RAB15: variants seen among roughly 807,000 people sequenced by gnomAD.
The protein encoded by RAB15 is RAB15, member RAS oncogene family.
RAB15 carries 13 observed loss-of-function variants against 31.8 expected under a neutral mutation model. The observed-to-expected ratio is 0.41, with a 90% CI of 0.27 to 0.65. The LOEUF (loss-of-function observed/expected upper bound fraction) is 0.65, where lower values mean the gene tolerates loss of function less well. Ranked by LOEUF, RAB15 falls within the 30% of genes least tolerant of loss-of-function variation. The pLI, the probability that RAB15 is intolerant of heterozygous loss-of-function variation, is 0.32. For synonymous variants in RAB15, 100 were observed against 105.6 expected, an observed-to-expected ratio of 0.95 and a Z score of 0.33; for missense variants, 220 against 277.3, an observed-to-expected ratio of 0.79 and a Z score of 1.47.
chr14:64,972,113 A>C lies in RAB15; in HGVS notation c.-37T>G. 1 of 1,547,100 alleles carries C rather than the reference A, an allele frequency of 6.5e-7. No homozygotes were observed. Among genetic ancestry groups the C allele is most frequent in the Non-Finnish European group, 8.7e-7 (1 of 1,150,830 alleles). ...GCGGGGCCGGGAACTGCGGGCGGGC[A>C]GCGGGCTCAGCCCTGCTCCGCCGCT... On this transcript the variant is annotated 5_prime_UTR_variant, in exon 1 of 7. Transcript: ENST00000533601. This position sits in a 1 kb window ranked among gnomAD's most constrained non-coding sequence, Gnocchi z 6.3.
At chr14:64,956,899 G>A (rs1162892557) in intron 1 of RAB15, among the ~76,000 whole-genome samples, 1 of 151,578 alleles carries the variant, frequency 6.6e-6, no homozygotes, top group African/African-American at 2.4e-5. Flanking sequence ...CACTTACTGT[G>A]TAACTTCAGG....
chr14:64,961,562 A>C (rs1886859461), intron 1 of RAB15, among the ~76,000 whole-genome samples: 2 of 152,030 alleles, frequency 1.3e-5, no homozygotes, highest in African/African-American at 4.8e-5. Context: ...GGAGTAAGGA[A>C]TCTCTAGGGC....
Position 64,951,526 on chromosome 14 carries a change from A to G in RAB15, c.246+77T>C, listed in dbSNP as rs190399527. ...GAACTGTATTTAGGGGATCCGTGGCACAGACATCTCAAATACCCAGAGCTG... is the reference window on the plus strand; with the variant it reads ...GAACTGTATTTAGGGGATCCGTGGCGCAGACATCTCAAATACCCAGAGCTG... On this transcript the variant is annotated intron_variant, in intron 3 of 6. Transcript: ENST00000533601. The surrounding 1 kb of genome is among the most constrained non-coding windows in gnomAD (Gnocchi z 7.2). The G allele has an allele frequency of 1.5e-5, 20 of 1,325,680 alleles. No individual in the cohort carries two copies. In the African/African-American group the frequency reaches 2.4e-4, roughly 16 times the overall value. 82.1% of individuals were successfully genotyped at this position (1,325,680 alleles called of 1,614,324 possible). A position where few individuals can be genotyped will look rare whatever the true frequency, so the allele number is the denominator to read the frequency against.
At position 64,953,591 on chromosome 14, in the gene RAB15, G is replaced by A. The variant is rs896086990; in HGVS notation, c.125-1020C>T. ...GAAACCGAAGGGATTTGGCAAATGC[G>A]TGCAGGGCAGAAACATATTGGAGAA... On this transcript the variant is annotated intron_variant, in intron 1 of 6. Coordinates refer to ENST00000533601, the MANE Select transcript of RAB15 (RefSeq NM_001308154.2). This position sits in a 1 kb window ranked among gnomAD's most constrained non-coding sequence, Gnocchi z 4.6. 2.6e-5 allele frequency among the ~76,000 whole-genome samples: 4 copies of A among 152,186 alleles called. No individual in the cohort carries two copies. Among genetic ancestry groups the A allele is most frequent in the African/African-American group, 7.2e-5 (3 of 41,446 alleles).
Position 64,955,092 on chromosome 14 carries a change from A to T in RAB15, c.125-2521T>A, listed in dbSNP as rs55899531. Among the ~76,000 whole-genome samples, 4,097 of 152,132 alleles carry T rather than the reference A, an allele frequency of 0.027. 67 individuals are homozygous for T. The highest frequency in any genetic ancestry group is 0.061 in the Middle Eastern group (18 of 294). ...GGGGCTCGCAGCACTCCCCGGCCTC[A>T]CACACACCCCACCATCTTGCAACCT... On this transcript the variant is annotated intron_variant, in intron 1 of 6. Coordinates refer to ENST00000533601, the MANE Select transcript of RAB15 (RefSeq NM_001308154.2). This position sits in a 1 kb window ranked among gnomAD's most constrained non-coding sequence, Gnocchi z 4.4.
chr14:64,955,798 GTC>G lies in RAB15; in HGVS notation c.125-3229_125-3228del, dbSNP rs1886519998. Among the ~76,000 whole-genome samples the G allele has an allele frequency of 6.6e-6, 1 of 152,252 alleles. No individual in the cohort carries two copies. Among genetic ancestry groups the G allele is most frequent in the East Asian group, 1.9e-4 (1 of 5,202 alleles). On this transcript the variant is annotated intron_variant, in intron 1 of 6. Transcript: ENST00000533601. This position sits in a 1 kb window ranked among gnomAD's most constrained non-coding sequence, Gnocchi z 4.4. The stretch of plus-strand genomic sequence containing the variant: ...CCCCACCTGGGTGCACACCCAGAGA[GTC>G]AGCCCTTTTTGTTGCATCTTTAGTA...
At position 64,950,662 on chromosome 14, in the gene RAB15, G is replaced by T; in HGVS notation, c.325-248C>A. The T allele has an allele frequency of 5.0e-6, 3 of 599,036 alleles. No homozygotes were observed. The highest frequency in any genetic ancestry group is 5.9e-6 in the Non-Finnish European group (2 of 336,644). The allele number at this position is 599,036 out of a possible 1,614,324, so 37.1% of individuals were successfully genotyped here. A position where few individuals can be genotyped will look rare whatever the true frequency, so the allele number is the denominator to read the frequency against. On this transcript the variant is annotated intron_variant, in intron 4 of 6. Transcript: ENST00000533601. This position sits in a 1 kb window ranked among gnomAD's most constrained non-coding sequence, Gnocchi z 5.6. ...TCCTTGGGTTAGACCACTGGTATCA[G>T]AGCTGGAAAGGACATTGGATGTAAG...
At chr14:64,961,124 G>C (rs1886830579) in intron 1 of RAB15, among the ~76,000 whole-genome samples, 1 of 152,136 alleles carries the variant, frequency 6.6e-6, no homozygotes, top group African/African-American at 2.4e-5. Context: ...CCACAACGAG[G>C]AACAACCTAA....
rs567489026 is a variant in RAB15, at chr14:64,958,817, G to A, written c.125-6246C>T. The stretch of plus-strand genomic sequence containing the variant: ...TCTCCCAACCAGGTGCCCAAAGCAC[G>A]GAGAGCAGCTCATTGTTTTTCCCGG... On this transcript the variant is annotated intron_variant, in intron 1 of 6. Coordinates refer to ENST00000533601, the MANE Select transcript of RAB15 (RefSeq NM_001308154.2). The surrounding 1 kb of genome is among the most constrained non-coding windows in gnomAD (Gnocchi z 4.4). Among the ~76,000 whole-genome samples the A allele has an allele frequency of 3.9e-5, 6 of 152,308 alleles. No homozygotes were observed. Among genetic ancestry groups the A allele is most frequent in the African/African-American group, 1.2e-4 (5 of 41,572 alleles).
rs1886167140 is a variant in RAB15 at position 64,950,148 on chromosome 14, C to G, written c.414+177G>C. Among the ~76,000 whole-genome samples, 1 of 152,156 alleles carries G rather than the reference C, an allele frequency of 6.6e-6. No homozygotes were observed. Among genetic ancestry groups the G allele is most frequent in the African/African-American group, 2.4e-5 (1 of 41,438 alleles). On this transcript the variant is annotated intron_variant, in intron 5 of 6. Coordinates refer to ENST00000533601, the MANE Select transcript of RAB15 (RefSeq NM_001308154.2). The surrounding 1 kb of genome is among the most constrained non-coding windows in gnomAD (Gnocchi z 5.6). Reference sequence around the variant, plus strand: ...GGACCCCGAATCTCTGGGCTTCTGTCCTGAAACCCAGACAACAAGCCTTCC... The same window carrying G: ...GGACCCCGAATCTCTGGGCTTCTGTGCTGAAACCCAGACAACAAGCCTTCC...
Position 64,950,530 on chromosome 14 carries a change from T to G in RAB15, c.325-116A>C. 2.3e-6 allele frequency: 2 copies of G among 872,138 alleles called. No homozygotes were observed. Among genetic ancestry groups the G allele is most frequent in the East Asian group, 2.4e-5 (1 of 41,384 alleles). 54.0% of individuals were successfully genotyped at this position (872,138 alleles called of 1,614,324 possible). A position where few individuals can be genotyped will look rare whatever the true frequency, so the allele number is the denominator to read the frequency against. ...CAATTCCAGAGCCCTAGGGACAGGG[T>G]GGGCCGACTGGATGCAGGTGCCAGG... On this transcript the variant is annotated intron_variant, in intron 4 of 6. Transcript: ENST00000533601. This position sits in a 1 kb window ranked among gnomAD's most constrained non-coding sequence, Gnocchi z 5.6.
rs1887371059 is a variant in RAB15 at position 64,970,632 on chromosome 14, T to C, written c.124+1321A>G. ...CATTTATCGAGCTTCACCATGTGTCTGGCTGTGCTAAGCACTTAACAATCG... is the reference window on the plus strand; with the variant it reads ...CATTTATCGAGCTTCACCATGTGTCCGGCTGTGCTAAGCACTTAACAATCG... On this transcript the variant is annotated intron_variant, in intron 1 of 6. Transcript: ENST00000533601. This position sits in a 1 kb window ranked among gnomAD's most constrained non-coding sequence, Gnocchi z 4.1. Among the ~76,000 whole-genome samples the C allele has an allele frequency of 6.6e-6, 1 of 152,234 alleles. No individual in the cohort carries two copies.
At position 64,954,669 on chromosome 14, in the gene RAB15, T is replaced by C. The variant is rs1175376300; in HGVS notation, c.125-2098A>G. 3 of 320,968 alleles carry C rather than the reference T, an allele frequency of 9.3e-6. No homozygotes were observed. The highest frequency in any genetic ancestry group is 1.3e-5 in the Non-Finnish European group (3 of 222,462). 19.9% of individuals were successfully genotyped at this position (320,968 alleles called of 1,614,324 possible). A position where few individuals can be genotyped will look rare whatever the true frequency, so the allele number is the denominator to read the frequency against. Reference sequence around the variant, plus strand: ...GAAAGGAAACAAGGGCTCAGAGAGGTCAATGGCTAGCCAGGGTCAGCACAG... The same window carrying C: ...GAAAGGAAACAAGGGCTCAGAGAGGCCAATGGCTAGCCAGGGTCAGCACAG... On this transcript the variant is annotated intron_variant, in intron 1 of 6. Transcript: ENST00000533601. This position sits in a 1 kb window ranked among gnomAD's most constrained non-coding sequence, Gnocchi z 4.3.
Position 64,957,450 on chromosome 14 carries a change from C to T in RAB15, c.125-4879G>A, listed in dbSNP as rs560216481. On this transcript the variant is annotated intron_variant, in intron 1 of 6. Transcript: ENST00000533601. ...TCCTGGCCCCTACTAACCAGGTACC[C>T]TTGCCAGCCAAGGGACTAGAGCATC... Among the ~76,000 whole-genome samples the T allele has an allele frequency of 9.2e-5, 14 of 152,276 alleles. No homozygotes were observed. In the East Asian group the frequency reaches 2.5e-3, roughly 27 times the overall value.
In RAB15 at chr14:64,958,751, CG is replaced by C. The variant is rs1886706667; in HGVS notation, c.125-6181del. On this transcript the variant is annotated intron_variant, in intron 1 of 6. Transcript: ENST00000533601. This position sits in a 1 kb window ranked among gnomAD's most constrained non-coding sequence, Gnocchi z 4.4. ...CAGCTCTGGCAGAGGTTCTCGGAGA[CG>C]CTGAGAGCCCCAGGAGGAGAAAGTC... is the stretch of plus-strand genomic sequence containing the variant. Among the ~76,000 whole-genome samples the C allele has an allele frequency of 6.6e-6, 1 of 152,068 alleles. No individual in the cohort carries two copies. The highest frequency in any genetic ancestry group is 2.4e-5 in the African/African-American group (1 of 41,382).
At chr14:64,966,131 G>A (rs556298125) in intron 1 of RAB15, among the ~76,000 whole-genome samples, 2 of 152,310 alleles carry the variant, frequency 1.3e-5, no homozygotes, top group Admixed American at 1.3e-4. Flanking sequence ...TACTAGAGCA[G>A]AAACTGAAAT....
At chr14:64,963,862 T>C (rs893758535) in intron 1 of RAB15, among the ~76,000 whole-genome samples, 1 of 152,182 alleles carries the variant, frequency 6.6e-6, no homozygotes, top group Non-Finnish European at 1.5e-5. Context: ...TCCTGCCTAG[T>C]CTTCAAGACT....
At position 64,955,024 on chromosome 14, in the gene RAB15, C is replaced by T. The variant is rs556583273; in HGVS notation, c.125-2453G>A. 6.6e-6 allele frequency among the ~76,000 whole-genome samples: 1 copy of T among 152,236 alleles called. No homozygotes were observed. Among genetic ancestry groups the T allele is most frequent in the African/African-American group, 2.4e-5 (1 of 41,534 alleles). The stretch of plus-strand genomic sequence containing the variant: ...AGTGACTCCTTCTCACCTCCTCCCT[C>T]ACTTCTTAGCTATGTGGCGGGGGAC... On this transcript the variant is annotated intron_variant, in intron 1 of 6. Coordinates refer to ENST00000533601, the MANE Select transcript of RAB15 (RefSeq NM_001308154.2). The surrounding 1 kb of genome is among the most constrained non-coding windows in gnomAD (Gnocchi z 4.4).
In RAB15 at chr14:64,968,969, C is replaced by T. The variant is rs570759847; in HGVS notation, c.124+2984G>A. ...CCTGGCGGGTTCTTCTCTAGAAGAT[C>T]GCAGGCCGTTAAAGTGGAGTACACA... On this transcript the variant is annotated intron_variant, in intron 1 of 6. Coordinates refer to ENST00000533601, the MANE Select transcript of RAB15 (RefSeq NM_001308154.2). The surrounding 1 kb of genome is among the most constrained non-coding windows in gnomAD (Gnocchi z 4.9). Among the ~76,000 whole-genome samples the T allele has an allele frequency of 1.3e-5, 2 of 152,268 alleles. No homozygotes were observed. Among genetic ancestry groups the T allele is most frequent in the African/African-American group, 4.8e-5 (2 of 41,528 alleles).
Sources: allele counts gnomAD v4.1 joint callset (sites outside exome capture counted in the v4.1 genomes callset), GRCh38; gene constraint gnomAD v4.1.1; non-coding constraint Gnocchi (gnomAD v3.1); transcripts MANE v1.5; gene names NCBI Gene and HGNC (gene_info 2026-07-23, HGNC 2026-07-21).